ANKRD36: variants seen among roughly 807,000 people sequenced by gnomAD.
The protein encoded by ANKRD36 is ankyrin repeat domain-containing protein 36A.
A neutral mutation model predicts 278.1 loss-of-function variants in ANKRD36; 179 were observed. The observed-to-expected ratio is 0.64, with a 90% CI of 0.57 to 0.73. The LOEUF is 0.73. Ranked by LOEUF, ANKRD36 falls within the 30% of genes least tolerant of loss-of-function variation. ANKRD36 has a pLI of 0.00. For missense variants in ANKRD36, 1,159 were observed against 1,956.7 expected, an observed-to-expected ratio of 0.59 and a Z score of 7.69; for synonymous variants, 320 against 641.1, an observed-to-expected ratio of 0.50 and a Z score of 7.57.
rs577758085 is a variant in ANKRD36, at chr2:97,209,886, C to T, written c.3367+14C>T. ...AATCTAGGACAGGTAATTTTGAAAA[C>T]AGATTTAATGTCATGTTCAGTCCAG... On this transcript the variant is annotated intron_variant, in intron 56 of 75. Transcript: ENST00000420699. 244 of 1,566,010 alleles carry T rather than the reference C, an allele frequency of 1.6e-4. No homozygotes were observed. Among genetic ancestry groups the T allele is most frequent in the Middle Eastern group, 2.1e-4 (1 of 4,732 alleles).
chr2:97,229,954 T>C (rs2071344300), intron 67 of ANKRD36, among the ~76,000 whole-genome samples: 1 of 152,122 alleles, frequency 6.6e-6, no homozygotes, highest in South Asian at 2.1e-4. Flanking sequence ...TTAAGAATGT[T>C]GAATATTGGC....
chr2:97,212,521 T>C (rs1315358806), intron 58 of ANKRD36, among the ~76,000 whole-genome samples: 1 of 151,886 alleles, frequency 6.6e-6, no homozygotes, highest in African/African-American at 2.4e-5. Context: ...TTGGATAAAA[T>C]AGCTATTGAA....
At chr2:97,223,083 A>T (rs2068220798) in intron 66 of ANKRD36, among the ~76,000 whole-genome samples, 2 of 151,202 alleles carry the variant, frequency 1.3e-5, no homozygotes. Flanking sequence ...TTACATATTG[A>T]AAGCTTATTA....
chr2:97,205,101 A>T (rs1410184673), intron 50 of ANKRD36, among the ~76,000 whole-genome samples: 1 of 151,602 alleles, frequency 6.6e-6, no homozygotes, highest in African/African-American at 2.4e-5. Context: ...TTTTAGAAAC[A>T]AAAATTATGT....
rs1413185850 is a variant in ANKRD36 at position 97,122,887 on chromosome 2, T to G, written c.487T>G (p.Cys163Gly). Residue 163 changes from cysteine to glycine, a missense_variant and splice_region_variant, in exon 4 of 76, where the codon TGT (cysteine) becomes GGT (glycine). Physicochemically the swap from Cys to Gly is radical, Grantham distance 159 (BLOSUM62 -3). Coordinates refer to ENST00000420699, the MANE Select transcript of ANKRD36 (RefSeq NM_001354587.1). Reference protein sequence around the residue: ...HGTNIEECSKCEYQPLLFAVS... With the variant: ...HGTNIEECSKGEYQPLLFAVS... ...ATAAATTGTTGCTGTTATTTTACAGTGTGAATATCAGCCACTGTTATTTGC... is the reference window on the plus strand; with the variant it reads ...ATAAATTGTTGCTGTTATTTTACAGGGTGAATATCAGCCACTGTTATTTGC... The G allele has an allele frequency of 6.5e-7, 1 of 1,537,900 alleles. No individual in the cohort carries two copies.
At chr2:97,149,069 T>C (rs1290198950) in intron 11 of ANKRD36, among the ~76,000 whole-genome samples, 4 of 151,862 alleles carry the variant, frequency 2.6e-5, no homozygotes, top group African/African-American at 9.7e-5. Flanking sequence ...GGATATTTCA[T>C]AGGTTGGGAG....
chr2:97,179,705 T>A (rs759953962), intron 22 of ANKRD36, 33 bp from the exon 23 acceptor site: 20 of 1,592,160 alleles, frequency 1.3e-5, no homozygotes, highest in Non-Finnish European at 1.5e-5. Context: ...CATATTTACA[T>A]ATGATTGATT....
intron 75 of ANKRD36, among the ~76,000 whole-genome samples, chr2:97,261,086 C>T (rs1262420823): frequency 8.0e-6 from 1 of 124,754 alleles, no homozygotes; most frequent in Non-Finnish European, 1.5e-5. Flanking sequence ...TACCATTGTA[C>T]TTATCATTTG....
intron 75 of ANKRD36, among the ~76,000 whole-genome samples, chr2:97,263,084 T>A (rs2076902515): frequency 7.6e-6 from 1 of 131,750 alleles, no homozygotes; most frequent in Non-Finnish European, 1.5e-5. Flanking sequence ...TACCTGATAA[T>A]GCAGAATTTG....
intron 5 of ANKRD36, among the ~76,000 whole-genome samples, chr2:97,124,970 T>C (rs1322581284): frequency 7.9e-5 from 12 of 151,842 alleles, no homozygotes; most frequent in Admixed American, 3.3e-4. Context: ...ATGTCCAGTT[T>C]ATCAAAAAAC....
At position 97,206,747 on chromosome 2, in the gene ANKRD36, G is replaced by A. The variant is rs1186185038; in HGVS notation, c.3163+612G>A. Among the ~76,000 whole-genome samples the A allele has an allele frequency of 7.3e-5, 11 of 151,568 alleles. No homozygotes were observed. The East Asian group carries it at 9.8e-4, about 13-fold the overall frequency. On this transcript the variant is annotated intron_variant, in intron 52 of 75. Transcript: ENST00000420699. ...CTTCAGGAACTGCTGGAAGAAGGAA[G>A]CAATCCTAGAATTGGCATAAAAACA...
chr2:97,235,281 A>G (rs2073374927), intron 68 of ANKRD36, among the ~76,000 whole-genome samples: 1 of 151,344 alleles, frequency 6.6e-6, no homozygotes, highest in Non-Finnish European at 1.5e-5. Context: ...TCCTTTCTCC[A>G]CTGCATTGCC....
intron 44 of ANKRD36, 55 bp downstream of exon 44, chr2:97,198,713 T>C: frequency 6.7e-7 from 1 of 1,483,858 alleles, no homozygotes; most frequent in South Asian, 1.3e-5. Context: ...TAAGAAGTTC[T>C]CTTCCCTGAA....
chr2:97,144,589 T>C (rs1221641003), intron 9 of ANKRD36, 43 bp downstream of exon 9: 1 of 1,569,066 alleles, frequency 6.4e-7, no homozygotes, highest in East Asian at 2.3e-5. Flanking sequence ...AACTGTATAG[T>C]CTATGGAATA....
At chr2:97,211,848 A>G (rs1173875283) in intron 58 of ANKRD36, 107 bp downstream of exon 58, 2 of 1,315,944 alleles carry the variant, frequency 1.5e-6, no homozygotes, top group Non-Finnish European at 2.1e-6. Context: ...GTTCTGCTTC[A>G]GTATTCCTGA....
At chr2:97,224,923 T>G (rs1287277436) in intron 67 of ANKRD36, 44 bp downstream of exon 67, 1 of 928,972 alleles carries the variant, frequency 1.1e-6, no homozygotes. Flanking sequence ...AATCTTGTTT[T>G]CCTAGCTTTG....
In ANKRD36 at chr2:97,194,648, A is replaced by G. The variant is rs2059276793; in HGVS notation, c.2450-78A>G. The G allele has an allele frequency of 1.9e-6, 3 of 1,584,488 alleles. No homozygotes were observed. In the South Asian group the frequency reaches 3.4e-5, roughly 18 times the overall value. ...AATACAGGCAGGAGGACAGAGGTTG[A>G]TGCTAACACTGTGTGAATGTATGGA... On this transcript the variant is annotated intron_variant, in intron 38 of 75. Coordinates refer to ENST00000420699, the MANE Select transcript of ANKRD36 (RefSeq NM_001354587.1).
chr2:97,145,107 A>G (rs1357710502), intron 10 of ANKRD36, among the ~76,000 whole-genome samples: 3 of 152,078 alleles, frequency 2.0e-5, no homozygotes, highest in Non-Finnish European at 2.9e-5. Context: ...GTAATAAGCC[A>G]TAAACACTAT....
intron 42 of ANKRD36, 71 bp from the exon 43 acceptor site, chr2:97,198,392 C>T: frequency 6.5e-7 from 1 of 1,549,838 alleles, no homozygotes; most frequent in Non-Finnish European, 8.7e-7. Flanking sequence ...TTGATGCTAA[C>T]ACTGTATGAA....
Sources: gnomAD v4.1 joint callset for allele counts (sites outside exome capture counted in the v4.1 genomes callset) on GRCh38, gnomAD v4.1.1 for gene constraint, MANE v1.5 for transcripts, NCBI Gene and HGNC (gene_info 2026-07-23, HGNC 2026-07-21) for gene names.